PUM1: variants seen among roughly 807,000 people sequenced by gnomAD.
The protein encoded by PUM1 is pumilio RNA binding family member 1.
In PUM1, 13 loss-of-function variants were observed where a neutral mutation model predicts 131.8. That is an observed-to-expected ratio of 0.10 (90% CI 0.06 to 0.16). The LOEUF (loss-of-function observed/expected upper bound fraction) is 0.16. PUM1 is among the 10% of genes least tolerant of loss of function. PUM1 has a pLI of 1.00. For synonymous variants in PUM1, 509 were observed against 556.5 expected, an observed-to-expected ratio of 0.91 and a Z score of 1.20; for missense variants, 961 against 1,512.4, an observed-to-expected ratio of 0.64 and a Z score of 6.05.
chr1:31,033,238 G>A (rs1643493801), intron 2 of PUM1, among the ~76,000 whole-genome samples: 1 of 151,408 alleles, frequency 6.6e-6, no homozygotes, highest in Non-Finnish European at 1.5e-5. Flanking sequence ...ATGGAGTCTG[G>A]CTGTTGCCCA....
chr1:31,030,353 T>C (rs898197355), intron 2 of PUM1, among the ~76,000 whole-genome samples: 1 of 152,070 alleles, frequency 6.6e-6, no homozygotes, highest in Non-Finnish European at 1.5e-5. Flanking sequence ...TTTCTACCAC[T>C]GGATAAACGT....
chr1:30,982,788 T>C (rs1641402045), intron 7 of PUM1, among the ~76,000 whole-genome samples: 1 of 152,202 alleles, frequency 6.6e-6, no homozygotes, highest in Non-Finnish European at 1.5e-5. Flanking sequence ...AGGCTAATTT[T>C]AGATTAAAAG....
At chr1:31,047,750 T>TGGC (rs1644004362) in intron 2 of PUM1, among the ~76,000 whole-genome samples, 1 of 152,182 alleles carries the variant, frequency 6.6e-6, no homozygotes, top group Admixed American at 6.5e-5. Context: ...CGAGACATCC[T>TGGC]GGCCAACACG....
intron 2 of PUM1, among the ~76,000 whole-genome samples, chr1:31,038,114 T>C (rs1643676025): frequency 6.6e-6 from 1 of 151,590 alleles, no homozygotes; most frequent in African/African-American, 2.4e-5. Flanking sequence ...ATTTAATACT[T>C]CAACTGCTAA....
intron 5 of PUM1, among the ~76,000 whole-genome samples, chr1:30,997,215 CA>C (rs953059700): frequency 6.6e-6 from 1 of 152,102 alleles, no homozygotes; most frequent in Non-Finnish European, 1.5e-5. Context: ...GGTCTGTAGG[CA>C]AAAATGGAAA....
chr1:31,009,698 G>A (rs1007749734), intron 3 of PUM1, among the ~76,000 whole-genome samples: 7 of 145,378 alleles, frequency 4.8e-5, no homozygotes, highest in Admixed American at 7.0e-5. Context: ...AACCAGGGAC[G>A]CAGAGGTTGC....
intron 2 of PUM1, among the ~76,000 whole-genome samples, chr1:31,053,359 T>A (rs1260208697): frequency 2.0e-5 from 3 of 151,096 alleles, no homozygotes; most frequent in African/African-American, 7.3e-5. Flanking sequence ...AAAAAAAAAT[T>A]TTTTTCATGA....
chr1:31,009,995 C>G (rs1642549261), intron 3 of PUM1, among the ~76,000 whole-genome samples: 1 of 152,034 alleles, frequency 6.6e-6, no homozygotes, highest in Non-Finnish European at 1.5e-5. Context: ...CCAGGAGAAG[C>G]AGGTGAACAC....
chr1:31,056,355 A>C (rs868624558), intron 2 of PUM1, among the ~76,000 whole-genome samples: 11 of 151,964 alleles, frequency 7.2e-5, no homozygotes, highest in South Asian at 2.1e-4. Context: ...ATCTCTGCTC[A>C]CTGCAACCTC....
rs779436201 is a variant in PUM1 at position 30,995,135 on chromosome 1, A to C, written c.806T>G (p.Leu269Trp). The C allele has an allele frequency of 1.2e-6, 2 of 1,614,146 alleles. No homozygotes were observed. The highest frequency in any genetic ancestry group is 8.5e-7 in the Non-Finnish European group (1 of 1,180,002). Residue 269 changes from leucine (L) to tryptophan (W), a missense_variant, in exon 6 of 22, where the codon TTG becomes TGG. Leu to Trp is a moderately conservative substitution (Grantham distance 61). This residue lies in a region of PUM1 where 654 missense variants were observed against 923.9 expected (regional missense o/e 0.71). Coordinates refer to ENST00000426105, the MANE Select transcript of PUM1 (RefSeq NM_001020658.2). ...GTFDGDKLGD[L>W]KEEGDVMDKT... ...GTCCATCACATCACCCTCCTCCTTC[A>C]AATCTCCTAGCTTATCTCCATCAAA...
intron 2 of PUM1, among the ~76,000 whole-genome samples, chr1:31,047,206 A>T (rs1432204239): frequency 6.6e-6 from 1 of 152,192 alleles, no homozygotes; most frequent in Non-Finnish European, 1.5e-5. Context: ...GAGTACATTC[A>T]CAGCAAGGAG....
chr1:30,983,923 C>T (rs1451307776), intron 7 of PUM1, among the ~76,000 whole-genome samples: 1 of 152,028 alleles, frequency 6.6e-6, no homozygotes, highest in Admixed American at 6.6e-5. Context: ...TTTAATATTA[C>T]ATGTAAGTCA....
At chr1:30,946,895 AC>A in intron 17 of PUM1, among the ~76,000 whole-genome samples, 1 of 152,088 alleles carries the variant, frequency 6.6e-6, no homozygotes, top group East Asian at 1.9e-4. Context: ...ACAGAGCAAC[AC>A]CCTGTCTCTA....
At chr1:31,011,038 G>C (rs891681177) in intron 3 of PUM1, among the ~76,000 whole-genome samples, 8 of 152,144 alleles carry the variant, frequency 5.3e-5, no homozygotes, top group Non-Finnish European at 1.0e-4. Context: ...CACCCCTGCA[G>C]TCCCAGCTAC....
In PUM1 at chr1:30,960,604, T is replaced by C. The variant is rs148676938; in HGVS notation, c.2323+4070A>G. ...CAATTGTATTTCCATAAGCAAGCAA[T>C]AGTCTATCAAAAGATAAAACCGGAA... On this transcript the variant is annotated intron_variant, in intron 14 of 21. Coordinates refer to ENST00000426105, the MANE Select transcript of PUM1 (RefSeq NM_001020658.2). Among the ~76,000 whole-genome samples, 21 of 152,148 alleles carry C rather than the reference T, an allele frequency of 1.4e-4. No individual in the cohort carries two copies. The East Asian group carries it at 3.5e-3, about 25-fold the overall frequency.
intron 14 of PUM1, among the ~76,000 whole-genome samples, chr1:30,956,095 G>C: frequency 6.6e-6 from 1 of 152,170 alleles, no homozygotes; most frequent in Non-Finnish European, 1.5e-5. Flanking sequence ...GGCCCTTTCG[G>C]GGTCTGAAAT....
intron 9 of PUM1, 25 bp downstream of exon 9, chr1:30,980,037 T>C (rs908907252): frequency 3.3e-6 from 5 of 1,512,164 alleles, no homozygotes; most frequent in Non-Finnish European, 4.5e-6. Flanking sequence ...GGTGAGAAAA[T>C]CCCTCATGCA....
chr1:31,009,205 C>T (rs919235338), intron 3 of PUM1, among the ~76,000 whole-genome samples: 28 of 151,420 alleles, frequency 1.8e-4, no homozygotes, highest in Non-Finnish European at 2.7e-4. Context: ...AAATCCTGTC[C>T]GAAGATTACA....
intron 19 of PUM1, 37 bp from the exon 20 acceptor site, chr1:30,941,309 G>T: frequency 6.3e-7 from 1 of 1,592,766 alleles, no homozygotes. Flanking sequence ...AAATGTATGT[G>T]AAAGCCAGTT....
Sources: gnomAD v4.1 joint callset for allele counts (sites outside exome capture counted in the v4.1 genomes callset) on GRCh38, gnomAD v4.1.1 for gene constraint, gnomAD v4.1.1 regional missense constraint, MANE v1.5 for transcripts, NCBI Gene and HGNC (gene_info 2026-07-23, HGNC 2026-07-21) for gene names.